The following PLPPR4 variants were observed in gnomAD, a reference collection of about 807,000 sequenced individuals.
PLPPR4 encodes phospholipid phosphatase-related protein type 4.
In PLPPR4, 24 loss-of-function variants were observed where a neutral mutation model predicts 56.6. The ratio of observed to expected loss-of-function variants is 0.42; its 90% CI spans 0.31 to 0.60. PLPPR4 has a LOEUF of 0.60. Among genes scored for constraint, PLPPR4 ranks in the 20% least tolerant of loss-of-function variants. The pLI, the probability that PLPPR4 is intolerant of heterozygous loss-of-function variation, is 0.13. For synonymous variants in PLPPR4, 326 were observed against 328.1 expected, an observed-to-expected ratio of 0.99 and a Z score of 0.07; for missense variants, 654 against 885.8, an observed-to-expected ratio of 0.74 and a Z score of 3.32.
At chr1:99,295,585 G>A (rs1356899300) in intron 2 of PLPPR4, among the ~76,000 whole-genome samples, 1 of 152,164 alleles carries the variant, frequency 6.6e-6, no homozygotes, top group Non-Finnish European at 1.5e-5. Flanking sequence ...CGCATTTATA[G>A]CAAATCAATA....
intron 1 of PLPPR4, among the ~76,000 whole-genome samples, chr1:99,265,962 C>T (rs970624576): frequency 1.1e-4 from 16 of 151,826 alleles, no homozygotes; most frequent in Admixed American, 9.8e-4. Flanking sequence ...CATTCATGAA[C>T]CATAGAAAAG....
rs1461228145 is a variant in PLPPR4, at chr1:99,296,770, C to T, written c.297C>T (p.Cys99=). The change falls in exon 3 of 7, where the codon TGC becomes TGT. Residue 99 remains cysteine (C), a synonymous_variant. Transcript: ENST00000370185. ...TAGGAGAAGGAATTCTCTACTGTTG[C>T]CTCTCCAAAAGAAGAAATGGGGTCG... ...IMVGEGILYC[C]LSKRRNGVGL... 1.9e-6 allele frequency: 3 copies of T among 1,605,076 alleles called. No homozygotes were observed. The highest frequency in any genetic ancestry group is 1.1e-5 in the South Asian group (1 of 89,810).
At chr1:99,280,614 A>G (rs138534940) in intron 1 of PLPPR4, among the ~76,000 whole-genome samples, 33 of 152,312 alleles carry the variant, frequency 2.2e-4, no homozygotes, top group African/African-American at 7.9e-4. Context: ...AGATCCTTCG[A>G]TAAAGTTATA....
chr1:99,303,104 A>G (rs1194543760), intron 6 of PLPPR4, among the ~76,000 whole-genome samples: 2 of 152,094 alleles, frequency 1.3e-5, no homozygotes, highest in Non-Finnish European at 2.9e-5. Flanking sequence ...AGTGATGTGT[A>G]TGTGTGTAGC....
At chr1:99,301,468 A>G (rs1659883153) in intron 5 of PLPPR4, among the ~76,000 whole-genome samples, 1 of 152,068 alleles carries the variant, frequency 6.6e-6, no homozygotes, top group African/African-American at 2.4e-5. Flanking sequence ...GACAAGTAAC[A>G]TGGAGACTAA....
At chr1:99,280,542 GT>G (rs1659297614) in intron 1 of PLPPR4, among the ~76,000 whole-genome samples, 1 of 152,152 alleles carries the variant, frequency 6.6e-6, no homozygotes, top group African/African-American at 2.4e-5. Flanking sequence ...TCACTCTTGA[GT>G]ACTTGATCTT....
chr1:99,305,889 A>G lies in PLPPR4; in HGVS notation c.1027A>G (p.Arg343Gly). 6.2e-7 allele frequency: 1 copy of G among 1,614,170 alleles called. No individual in the cohort carries two copies. The highest frequency in any genetic ancestry group is 8.5e-7 in the Non-Finnish European group (1 of 1,180,026). Residue 343 changes from arginine (R) to glycine (G), a missense_variant, in exon 7 of 7, where the codon AGA (arginine) becomes GGA (glycine). Transcript: ENST00000370185. Reference sequence around the variant, plus strand: ...TGCTAGCTCTCTGACAAATCTCAAAAGAGCAAATGCTGATGTGGAAATCAT... The same window carrying G: ...TGCTAGCTCTCTGACAAATCTCAAAGGAGCAAATGCTGATGTGGAAATCAT... Reference protein sequence around the residue: ...RDASSLTNLKRANADVEIITP... With the variant: ...RDASSLTNLKGANADVEIITP...
chr1:99,292,832 G>T (rs1025230028), intron 2 of PLPPR4, among the ~76,000 whole-genome samples: 5 of 151,404 alleles, frequency 3.3e-5, no homozygotes, highest in African/African-American at 1.2e-4. Context: ...CATTTTCTCA[G>T]CAGTGATCCT....
At chr1:99,299,843 T>C (rs1455914332) in intron 4 of PLPPR4, among the ~76,000 whole-genome samples, 1 of 151,968 alleles carries the variant, frequency 6.6e-6, no homozygotes, top group African/African-American at 2.4e-5. Flanking sequence ...ATGCATTACA[T>C]TTCTTAATAA....
chr1:99,305,270 T>G (rs192628279), intron 6 of PLPPR4, among the ~76,000 whole-genome samples: 1 of 152,276 alleles, frequency 6.6e-6, no homozygotes, highest in African/African-American at 2.4e-5. Flanking sequence ...CTACTTTCCA[T>G]CATATGATTG....
chr1:99,299,285 G>A (rs1205697156), intron 4 of PLPPR4, 55 bp downstream of exon 4: 14 of 1,316,540 alleles, frequency 1.1e-5, no homozygotes, highest in Middle Eastern at 3.6e-4. Context: ...TTCAATTGCT[G>A]CTTGGAGTAT....
chr1:99,283,426 A>G (rs1239617600), intron 1 of PLPPR4, among the ~76,000 whole-genome samples: 2 of 152,262 alleles, frequency 1.3e-5, no homozygotes, highest in Non-Finnish European at 2.9e-5. Context: ...TAAAATGGAT[A>G]TATAATCTAG....
chr1:99,298,841 A>G lies in PLPPR4; in HGVS notation c.395-194A>G, dbSNP rs568156071. ...AGTGCCTAAAGTTACTACTTTGGAG[A>G]TACTCATTGCCTTTATTTTGGACTT... On this transcript the variant is annotated intron_variant, in intron 3 of 6. Coordinates refer to ENST00000370185, the MANE Select transcript of PLPPR4 (RefSeq NM_014839.5). 2.7e-5 allele frequency: 18 copies of G among 659,638 alleles called. No homozygotes were observed. In the South Asian group the frequency reaches 3.0e-4, roughly 11 times the overall value. 40.9% of individuals were successfully genotyped at this position (659,638 alleles called of 1,614,324 possible). A position where few individuals can be genotyped will look rare whatever the true frequency, so the allele number is the denominator to read the frequency against.
chr1:99,273,432 T>C (rs1310022239), intron 1 of PLPPR4, among the ~76,000 whole-genome samples: 2 of 152,110 alleles, frequency 1.3e-5, no homozygotes, highest in African/African-American at 4.8e-5. Context: ...TGGAAGTAGA[T>C]GTGACTATAT....
At chr1:99,273,629 T>C (rs1659111557) in intron 1 of PLPPR4, among the ~76,000 whole-genome samples, 1 of 152,122 alleles carries the variant, frequency 6.6e-6, no homozygotes, top group African/African-American at 2.4e-5. Context: ...GGGTATAACC[T>C]GTTTTGTACT....
intron 1 of PLPPR4, among the ~76,000 whole-genome samples, chr1:99,285,659 A>C (rs946606974): frequency 2.0e-5 from 3 of 152,224 alleles, no homozygotes; most frequent in African/African-American, 7.2e-5. Flanking sequence ...AACTACAAAA[A>C]AAAAGACCTC....
intron 2 of PLPPR4, among the ~76,000 whole-genome samples, chr1:99,295,045 C>T (rs1376466829): frequency 6.6e-6 from 1 of 152,064 alleles, no homozygotes; most frequent in African/African-American, 2.4e-5. Flanking sequence ...AGTATAGAAC[C>T]TATTGAATTT....
At chr1:99,303,863 T>C (rs819919) in intron 6 of PLPPR4, among the ~76,000 whole-genome samples, 70,136 of 151,996 alleles carry the variant, frequency 0.46, 16,379 homozygotes, top group East Asian at 0.62. Flanking sequence ...GGAGTGTTAG[T>C]TGGCAATGTG....
chr1:99,296,947 C>A lies in PLPPR4; in HGVS notation c.394+80C>A. ...TTATATTTAATTATAGATATTAAGT[C>A]TCGTACGCTATAATTTAGATGTATA... On this transcript the variant is annotated intron_variant, in intron 3 of 6. Transcript: ENST00000370185. 5 of 1,262,918 alleles carry A rather than the reference C, an allele frequency of 4.0e-6. No individual in the cohort carries two copies. In the South Asian group the frequency reaches 6.5e-5, roughly 16 times the overall value. The allele number at this position is 1,262,918 out of a possible 1,614,324, so 78.2% of individuals were successfully genotyped here. A position where few individuals can be genotyped will look rare whatever the true frequency, so the allele number is the denominator to read the frequency against.
Sources: allele counts gnomAD v4.1 joint callset (sites outside exome capture counted in the v4.1 genomes callset), GRCh38; gene constraint gnomAD v4.1.1; transcripts MANE v1.5; gene names NCBI Gene and HGNC (gene_info 2026-07-23, HGNC 2026-07-21).